Variants in RBM12 observed in about 807,000 individuals in gnomAD.
RBM12 encodes RNA binding motif protein 12.
RBM12 carries 24 observed loss-of-function variants against 37.2 expected under a neutral mutation model. That is an observed-to-expected ratio of 0.65 (90% CI 0.47 to 0.91). The LOEUF is 0.91. RBM12 is among the 40% of genes least tolerant of loss of function. The probability of loss-of-function intolerance (pLI) is 0.00; values close to 1 mark genes in which losing one functional copy is unlikely to be tolerated. For synonymous variants in RBM12, 420 were observed against 425.2 expected, an observed-to-expected ratio of 0.99 and a Z score of 0.15; for missense variants, 1,061 against 1,183.2, an observed-to-expected ratio of 0.90 and a Z score of 1.52.
rs2033676491 is a variant in RBM12, at chr20:35,653,389, C to G, written c.1934G>C (p.Gly645Ala). Reference protein sequence around the residue: ...GKKGLKMPVPGNPAVPGMPNA... With the variant: ...GKKGLKMPVPANPAVPGMPNA... ...GGGCATTCCTGGAACTGCAGGATTACCTGGCACAGGCATCTTTAATCCCTT... is the reference window on the plus strand; with the variant it reads ...GGGCATTCCTGGAACTGCAGGATTAGCTGGCACAGGCATCTTTAATCCCTT... Residue 645 changes from glycine to alanine, a missense_variant, in exon 3 of 3, where the codon GGT (glycine) becomes GCT (alanine). Gly to Ala is a moderately conservative substitution (Grantham distance 60). Around this residue, in one of 3 missense-constraint regions of RBM12, gnomAD observed 517 missense variants for 534.0 expected, o/e 0.97. Transcript: ENST00000374114. The G allele has an allele frequency of 6.2e-7, 1 of 1,614,182 alleles. No homozygotes were observed. Among genetic ancestry groups the G allele is most frequent in the South Asian group, 1.1e-5 (1 of 91,088 alleles).
rs2033613838 is a variant in RBM12, at chr20:35,652,798, C to T, written c.2525G>A (p.Gly842Asp). Residue 842 changes from glycine (G) to aspartate (D), a missense_variant, in exon 3 of 3, where the codon GGT becomes GAT. Physicochemically the swap from Gly to Asp is moderately conservative, Grantham distance 94. Transcript: ENST00000374114. Reference protein sequence around the residue: ...GPGPGPIHIGGPPGFASSSGK... With the variant: ...GPGPGPIHIGDPPGFASSSGK... The stretch of plus-strand genomic sequence containing the variant: ...AGAACTAGATGCAAAGCCAGGGGGA[C>T]CACCAATATGGATTGGGCCAGGGCC... 6.2e-7 allele frequency: 1 copy of T among 1,608,580 alleles called. No homozygotes were observed. The highest frequency in any genetic ancestry group is 2.2e-5 in the East Asian group (1 of 44,862).
At chr20:35,656,327 G>C (rs1018704956) in intron 2 of RBM12, among the ~76,000 whole-genome samples, 4 of 152,128 alleles carry the variant, frequency 2.6e-5, no homozygotes, top group African/African-American at 9.7e-5. Context: ...GATCTCCTTA[G>C]ATCATGCCTG....
At chr20:35,660,910 A>T (rs1029408804) in intron 1 of RBM12, among the ~76,000 whole-genome samples, 7 of 152,288 alleles carry the variant, frequency 4.6e-5, no homozygotes, top group African/African-American at 1.7e-4. Flanking sequence ...AAGGGAACTC[A>T]CCAGGTCTAC....
chr20:35,657,430 A>G (rs2033963547), intron 2 of RBM12, among the ~76,000 whole-genome samples: 1 of 152,210 alleles, frequency 6.6e-6, no homozygotes, highest in Admixed American at 6.5e-5. Flanking sequence ...TGTATAGGGG[A>G]AACATCATGG....
chr20:35,664,364 G>A (rs1054958202), intron 1 of RBM12: 1 of 152,274 alleles, frequency 6.6e-6, no homozygotes, highest in Non-Finnish European at 1.5e-5. Context: ...CCCACCTCCA[G>A]GCACAGAGAT....
chr20:35,660,266 G>A (rs1397895468), intron 1 of RBM12, among the ~76,000 whole-genome samples: 2 of 151,930 alleles, frequency 1.3e-5, no homozygotes, highest in Non-Finnish European at 2.9e-5. Flanking sequence ...GCAGTGGCGC[G>A]ATCTAGGCTC....
intron 1 of RBM12, chr20:35,664,353 C>A (rs984595104): frequency 5.9e-5 from 9 of 152,276 alleles, no homozygotes; most frequent in African/African-American, 1.9e-4. Flanking sequence ...ACGATTATCT[C>A]CCCACCTCCA....
chr20:35,655,183 A>G lies in RBM12; in HGVS notation c.140T>C (p.Phe47Ser). ...GGELGEAFIV[F>S]ATDEDARLGM... Reference sequence around the variant, plus strand: ...AAGCCTTGCATCTTCATCAGTGGCAAAAACGATGAAAGCCTCACCCAGTTC... The same window carrying G: ...AAGCCTTGCATCTTCATCAGTGGCAGAAACGATGAAAGCCTCACCCAGTTC... Residue 47 changes from phenylalanine to serine, a missense_variant, in exon 3 of 3, where the codon TTT becomes TCT. Coordinates refer to ENST00000374114, the MANE Select transcript of RBM12 (RefSeq NM_006047.6). 1 of 1,614,204 alleles carries G rather than the reference A, an allele frequency of 6.2e-7. No individual in the cohort carries two copies. The highest frequency in any genetic ancestry group is 8.5e-7 in the Non-Finnish European group (1 of 1,180,036).
chr20:35,659,258 T>C (rs2034098609), intron 1 of RBM12, among the ~76,000 whole-genome samples: 1 of 152,186 alleles, frequency 6.6e-6, no homozygotes, highest in African/African-American at 2.4e-5. Flanking sequence ...GTCATTAACT[T>C]AGCCCAATAA....
Position 35,654,129 on chromosome 20 carries a change from A to C in RBM12, c.1194T>G (p.Ser398=). The C allele has an allele frequency of 6.2e-7, 1 of 1,614,234 alleles. No homozygotes were observed. The highest frequency in any genetic ancestry group is 8.5e-7 in the Non-Finnish European group (1 of 1,180,038). Residue 398 remains serine, a synonymous_variant, in exon 3 of 3, where the codon TCT becomes TCG. Coordinates refer to ENST00000374114, the MANE Select transcript of RBM12 (RefSeq NM_006047.6). ...HITFKQNMGP[S]GQTHPPPQTL... is the part of the protein sequence containing the mutation. ...TCTGAGGAGGGGGATGAGTTTGTCC[A>C]GAAGGTCCCATATTTTGCTTAAAAG...
rs6121012 is a variant in RBM12 at position 35,652,561 on chromosome 20, G to A, written c.2762C>T (p.Pro921Leu). ...TAAVIDLNDR[P>L]IGSRKVKLVL... is the part of the protein sequence containing the mutation. ...AAGTTTTACTTTTCTTGAACCTATA[G>A]GCCTGTCATTTAAGTCAATGACAGC... The change falls in exon 3 of 3, where the codon CCT (proline) becomes CTT (leucine). Residue 921 changes from proline to leucine, a missense_variant. Pro to Leu is a moderately conservative substitution (Grantham distance 98). Coordinates refer to ENST00000374114, the MANE Select transcript of RBM12 (RefSeq NM_006047.6). 2 of 1,613,898 alleles carry A rather than the reference G, an allele frequency of 1.2e-6. No individual in the cohort carries two copies. Among genetic ancestry groups the A allele is most frequent in the Non-Finnish European group, 1.7e-6 (2 of 1,180,002 alleles).
Position 35,648,992 on chromosome 20 carries a change from A to G in RBM12, c.*3532T>C, listed in dbSNP as rs1196954424. On this transcript the variant is annotated 3_prime_UTR_variant, in exon 3 of 3. Coordinates refer to ENST00000374114, the MANE Select transcript of RBM12 (RefSeq NM_006047.6). ...ACAAGTTTATTGAACAGTATTCAAG[A>G]CTTCATCTTTATAAACAAAAACCTC... 4 of 152,798 alleles carry G rather than the reference A, an allele frequency of 2.6e-5. 1 individual carries two copies. The South Asian group carries it at 8.3e-4, about 32-fold the overall frequency. The allele number at this position is 152,798 out of a possible 1,614,324, so 9.5% of individuals were successfully genotyped here.
intron 1 of RBM12, among the ~76,000 whole-genome samples, chr20:35,663,818 T>A (rs1304537456): frequency 6.6e-6 from 1 of 152,096 alleles, no homozygotes; most frequent in African/African-American, 2.4e-5. Context: ...AACCTGTAGA[T>A]CCTCAAAGTC....
intron 1 of RBM12, 187 bp downstream of exon 1, chr20:35,664,573 C>T (rs2034432016): frequency 6.6e-6 from 1 of 152,414 alleles, no homozygotes; most frequent in African/African-American, 2.4e-5. Flanking sequence ...CTTGCGTCCT[C>T]CTTGCATCCT....
At chr20:35,658,420 G>T (rs1014636147) in intron 2 of RBM12, among the ~76,000 whole-genome samples, 1 of 152,128 alleles carries the variant, frequency 6.6e-6, no homozygotes, top group Non-Finnish European at 1.5e-5. Context: ...AGGAACAACT[G>T]TTCAAAGCAC....
chr20:35,659,705 C>T (rs12626092), intron 1 of RBM12, among the ~76,000 whole-genome samples: 1 of 152,088 alleles, frequency 6.6e-6, no homozygotes, highest in Non-Finnish European at 1.5e-5. Context: ...CTAAAAATGC[C>T]TGACATATTA....
chr20:35,653,176 T>C lies in RBM12; in HGVS notation c.2147A>G (p.Asn716Ser), dbSNP rs756360279. ...AGGAAAGTTAAATGGAGGCCCATTA[T>C]TGGCTTCCTTTGATCCTACAGTCAG... ...AFLTVGSKEA[N>S]NGPPFNFPGN... is the part of the protein sequence containing the mutation. Residue 716 changes from asparagine (N) to serine (S), a missense_variant, in exon 3 of 3, where the codon AAT becomes AGT. This residue lies in a region of RBM12 where 517 missense variants were observed against 534.0 expected (regional missense o/e 0.97). Transcript: ENST00000374114. The C allele has an allele frequency of 1.2e-6, 2 of 1,613,530 alleles. No individual in the cohort carries two copies. Among genetic ancestry groups the C allele is most frequent in the Admixed American group, 1.7e-5 (1 of 60,036 alleles).
rs2033786998 is a variant in RBM12 at position 35,654,711 on chromosome 20, G to A, written c.612C>T (p.Ser204=). 6.2e-7 allele frequency: 1 copy of A among 1,613,712 alleles called. No homozygotes were observed. The highest frequency in any genetic ancestry group is 1.3e-5 in the African/African-American group (1 of 74,906). The change falls in exon 3 of 3, where the codon TCC becomes TCT. Residue 204 remains serine, a synonymous_variant. Coordinates refer to ENST00000374114, the MANE Select transcript of RBM12 (RefSeq NM_006047.6). ...GAGGAGGAACTGGAATTGGGGGAATGGATGGCATTGGTGGCAGAGATGGCA... is the reference window on the plus strand; with the variant it reads ...GAGGAGGAACTGGAATTGGGGGAATAGATGGCATTGGTGGCAGAGATGGCA... ...PAMPSLPPMP[S]IPPIPVPPPV... is the part of the protein sequence containing the mutation.
Position 35,655,249 on chromosome 20 carries a change from C to T in RBM12, c.74G>A (p.Gly25Glu), listed in dbSNP as rs2033826407. The T allele has an allele frequency of 6.2e-7, 1 of 1,613,818 alleles. No individual in the cohort carries two copies. Among genetic ancestry groups the T allele is most frequent in the Non-Finnish European group, 8.5e-7 (1 of 1,180,022 alleles). The change falls in exon 3 of 3, where the codon GGA (glycine) becomes GAA (glutamate). Residue 25 changes from glycine to glutamate, a missense_variant. Coordinates refer to ENST00000374114, the MANE Select transcript of RBM12 (RefSeq NM_006047.6). ...GTMDIRHFFS[G>E]LTIPDGGVHI... Reference sequence around the variant, plus strand: ...CACGCCCCCATCAGGAATGGTCAATCCAGAGAAGAAGTGGCGAATGTCCAT... The same window carrying T: ...CACGCCCCCATCAGGAATGGTCAATTCAGAGAAGAAGTGGCGAATGTCCAT...
Sources: allele counts gnomAD v4.1 joint callset (sites outside exome capture counted in the v4.1 genomes callset), GRCh38; gene constraint gnomAD v4.1.1; regional missense constraint gnomAD v4.1.1; transcripts MANE v1.5; gene names NCBI Gene and HGNC (gene_info 2026-07-23, HGNC 2026-07-21).